The following ESPN variants were observed in gnomAD, a reference collection of about 807,000 sequenced individuals.
ESPN encodes the protein autosomal recessive deafness type 36 protein.
ESPN carries 68 observed loss-of-function variants against 77.7 expected under a neutral mutation model. That is an observed-to-expected ratio of 0.87 (90% CI 0.72 to 1.07). The LOEUF is 1.07. Ranked by LOEUF, ESPN falls within the 50% of genes least tolerant of loss-of-function variation. The pLI is 0.00. For synonymous variants in ESPN, 449 were observed against 567.1 expected (o/e 0.79, Z 2.96); for missense variants, 1,060 against 1,239.0 (o/e 0.86, Z 2.17).
At chr1:6,434,062 C>A (rs1203248243) in intron 2 of ESPN, among the ~76,000 whole-genome samples, 1 of 152,120 alleles carries the variant, frequency 6.6e-6, no homozygotes, top group African/African-American at 2.4e-5. Context: ...GGCACCACAC[C>A]CGGCTAATTT....
At position 6,457,320 on chromosome 1, in the gene ESPN, A is replaced by C. The variant is rs537647160; in HGVS notation, c.2406-41A>C. On this transcript the variant is annotated intron_variant, in intron 11 of 12. Coordinates refer to ENST00000645284, the MANE Select transcript of ESPN (RefSeq NM_031475.3). ...GCAGGGTGTCTTGACTGCGTCCCTG[A>C]GGTGGAGGTACCAAGTGACACTGTC... is the stretch of plus-strand genomic sequence containing the variant. 3.1e-6 allele frequency: 5 copies of C among 1,614,176 alleles called. No homozygotes were observed. In the South Asian group the frequency reaches 5.5e-5, roughly 18 times the overall value.
chr1:6,428,429 C>T lies in ESPN; in HGVS notation c.488+10C>T, dbSNP rs1643120778. On this transcript the variant is annotated intron_variant, in intron 2 of 12. Coordinates refer to ENST00000645284, the MANE Select transcript of ESPN (RefSeq NM_031475.3). The surrounding 1 kb of genome is among the most constrained non-coding windows in gnomAD (Gnocchi z 5.4). ...TCGAGCACTACCCTGAGTAAGATCA[C>T]CCCTCTTAAGGGGTCCTCTGGGTGG... 1 of 1,605,488 alleles carries T rather than the reference C, an allele frequency of 6.2e-7. No individual in the cohort carries two copies.
intron 2 of ESPN, among the ~76,000 whole-genome samples, chr1:6,430,662 T>G (rs1643209400): frequency 6.6e-6 from 1 of 151,880 alleles, no homozygotes; most frequent in Admixed American, 6.6e-5. Context: ...TCCCAGCTAC[T>G]CAGGAGGCTG....
intron 1 of ESPN, 82 bp downstream of exon 1, chr1:6,425,331 G>C: frequency 2.7e-6 from 4 of 1,498,446 alleles, no homozygotes; most frequent in Non-Finnish European, 3.6e-6. Context: ...GGGGCTCAAG[G>C]ATGGGTGGGG....
At chr1:6,431,213 G>C (rs1643232753) in intron 2 of ESPN, among the ~76,000 whole-genome samples, 2 of 152,218 alleles carry the variant, frequency 1.3e-5, no homozygotes, top group Non-Finnish European at 2.9e-5. Flanking sequence ...GTCACAGCAA[G>C]CTGGAAAACC....
intron 2 of ESPN, among the ~76,000 whole-genome samples, chr1:6,439,747 G>T (rs1011948598): frequency 6.6e-6 from 1 of 152,136 alleles, no homozygotes; most frequent in Non-Finnish European, 1.5e-5. Flanking sequence ...GGGTGCGGTG[G>T]CTCTGTAATC....
chr1:6,440,889 C>T, intron 4 of ESPN, 45 bp from the exon 5 acceptor site: 6 of 1,537,952 alleles, frequency 3.9e-6, no homozygotes, highest in Non-Finnish European at 5.2e-6. Context: ...GCGCGGGGGT[C>T]CCAGCTCGCG....
chr1:6,456,615 C>T (rs778086145), intron 10 of ESPN: 4 of 194,048 alleles, frequency 2.1e-5, no homozygotes, highest in Non-Finnish European at 4.2e-5. Context: ...TGAAGTGTGC[C>T]GTGTACAGAC....
chr1:6,460,097 C>T lies in ESPN; in HGVS notation c.2516C>T (p.Pro839Leu), dbSNP rs774609194. Residue 839 changes from proline to leucine, a missense_variant, in exon 13 of 13, where the codon CCC becomes CTC. Physicochemically the swap from Pro to Leu is moderately conservative, Grantham distance 98. Transcript: ENST00000645284. ...TLGYDESKLA[P>L]WQRQVILKKG... The stretch of plus-strand genomic sequence containing the variant: ...GGCTACGATGAGAGCAAGCTGGCGC[C>T]CTGGCAGCGACAGGTCATCCTGAAG... 2 of 1,613,268 alleles carry T rather than the reference C, an allele frequency of 1.2e-6. No individual in the cohort carries two copies. Among genetic ancestry groups the T allele is most frequent in the Non-Finnish European group, 8.5e-7 (1 of 1,180,026 alleles).
At chr1:6,443,759 TAGGC>T (rs1274011743) in intron 5 of ESPN, among the ~76,000 whole-genome samples, 30 of 152,206 alleles carry the variant, frequency 2.0e-4, no homozygotes, top group Admixed American at 1.8e-3. Flanking sequence ...TGACACTTCT[TAGGC>T]AGGGAGGGGG....
At position 6,451,492 on chromosome 1, in the gene ESPN, A is replaced by G. The variant is rs1157849726; in HGVS notation, c.1916-111A>G. On this transcript the variant is annotated intron_variant, in intron 8 of 12. Transcript: ENST00000645284. The surrounding 1 kb of genome is among the most constrained non-coding windows in gnomAD (Gnocchi z 4.3). ...GGAGAGCTGCCCGCTGGCCCGGAGG[A>G]TGGGCACCCATCCAATCTTGGCTTA... is the stretch of plus-strand genomic sequence containing the variant. 1 of 1,449,274 alleles carries G rather than the reference A, an allele frequency of 6.9e-7. No individual in the cohort carries two copies. The highest frequency in any genetic ancestry group is 1.4e-5 in the African/African-American group (1 of 69,876). The allele number at this position is 1,449,274 out of a possible 1,614,324, so 89.8% of individuals were successfully genotyped here.
chr1:6,425,144 C>G lies in ESPN; in HGVS notation c.189C>G (p.Ala63=). ...RFLVEEAALP[A]AARARNGATP... ...TGGTGGAGGAAGCCGCCCTCCCCGC[C>G]GCGGCCCGCGCCCGCAACGGCGCCA... Residue 63 remains alanine (A), a synonymous_variant, in exon 1 of 13, where the codon GCC becomes GCG. Transcript: ENST00000645284. The G allele has an allele frequency of 6.6e-7, 1 of 1,509,584 alleles. No individual in the cohort carries two copies. The highest frequency in any genetic ancestry group is 1.2e-5 in the South Asian group (1 of 81,370). The allele number at this position is 1,509,584 out of a possible 1,614,324, so 93.5% of individuals were successfully genotyped here.
chr1:6,458,827 A>AGG (rs1557721403), intron 12 of ESPN, among the ~76,000 whole-genome samples: 3 of 151,272 alleles, frequency 2.0e-5, no homozygotes, highest in Admixed American at 6.6e-5. Context: ...GCTACTCGGG[A>AGG]GGCTGAGGCA....
Position 6,428,093 on chromosome 1 carries a change from G to A in ESPN, c.295-133G>A. 1.0e-6 allele frequency: 1 copy of A among 958,340 alleles called. No individual in the cohort carries two copies. The highest frequency in any genetic ancestry group is 1.6e-5 in the African/African-American group (1 of 61,870). The allele number at this position is 958,340 out of a possible 1,614,324, so 59.4% of individuals were successfully genotyped here. On this transcript the variant is annotated intron_variant, in intron 1 of 12. Coordinates refer to ENST00000645284, the MANE Select transcript of ESPN (RefSeq NM_031475.3). This position sits in a 1 kb window ranked among gnomAD's most constrained non-coding sequence, Gnocchi z 5.4. Reference sequence around the variant, plus strand: ...ACCCAAAAAAAACATTGCTGAATGAGGCCTGGCCAATCCCTCCAGGGAAGA... The same window carrying A: ...ACCCAAAAAAAACATTGCTGAATGAAGCCTGGCCAATCCCTCCAGGGAAGA...
rs1643868701 is a variant in ESPN at position 6,447,281 on chromosome 1, G to T, written c.1464+1346G>T. ...GCTGGGCCGCAGGCGCCAGGGCCGG[G>T]GCCCGGACGCTCCACAAAGGGCTCT... On this transcript the variant is annotated intron_variant, in intron 7 of 12. Coordinates refer to ENST00000645284, the MANE Select transcript of ESPN (RefSeq NM_031475.3). This position sits in a 1 kb window ranked among gnomAD's most constrained non-coding sequence, Gnocchi z 5.2. 6.6e-6 allele frequency: 1 copy of T among 152,284 alleles called. No homozygotes were observed. Among genetic ancestry groups the T allele is most frequent in the African/African-American group, 2.4e-5 (1 of 41,452 alleles). The allele number at this position is 152,284 out of a possible 1,614,324, so 9.4% of individuals were successfully genotyped here. A position where few individuals can be genotyped will look rare whatever the true frequency, so the allele number is the denominator to read the frequency against.
In ESPN at chr1:6,440,369, C is replaced by A. The variant is rs557382951; in HGVS notation, c.604C>A (p.Arg202Ser). 3 of 1,587,564 alleles carry A rather than the reference C, an allele frequency of 1.9e-6. No individual in the cohort carries two copies. Among genetic ancestry groups the A allele is most frequent in the South Asian group, 1.1e-5 (1 of 87,890 alleles). ...VQECGADPHARAHDGMTPLHA... is the reference protein window; with the variant it reads ...VQECGADPHASAHDGMTPLHA... Reference sequence around the variant, plus strand: ...GGAATGCGGCGCAGACCCGCACGCGCGCGCCCACGACGGCATGACCCCGCT... The same window carrying A: ...GGAATGCGGCGCAGACCCGCACGCGAGCGCCCACGACGGCATGACCCCGCT... Residue 202 changes from arginine (R) to serine (S), a missense_variant, in exon 3 of 13, where the codon CGC becomes AGC. This residue lies in a region of ESPN where 556 missense variants were observed against 633.6 expected (regional missense o/e 0.88). Coordinates refer to ENST00000645284, the MANE Select transcript of ESPN (RefSeq NM_031475.3).
rs1378736181 is a variant in ESPN at position 6,428,140 on chromosome 1, C to G, written c.295-86C>G. 1 of 1,402,622 alleles carries G rather than the reference C, an allele frequency of 7.1e-7. No homozygotes were observed. Among genetic ancestry groups the G allele is most frequent in the Non-Finnish European group, 1.0e-6 (1 of 990,620 alleles). 86.9% of individuals were successfully genotyped at this position (1,402,622 alleles called of 1,614,324 possible). The stretch of plus-strand genomic sequence containing the variant: ...AAGACAGAGAGCACAGAGCTACCTT[C>G]CAGGCCTGTGGGAGTCTGGGAGTGG... On this transcript the variant is annotated intron_variant, in intron 1 of 12. Coordinates refer to ENST00000645284, the MANE Select transcript of ESPN (RefSeq NM_031475.3). The surrounding 1 kb of genome is among the most constrained non-coding windows in gnomAD (Gnocchi z 5.4).
intron 2 of ESPN, among the ~76,000 whole-genome samples, chr1:6,438,188 A>G (rs74049574): frequency 0.096 from 14,627 of 152,176 alleles, 784 homozygotes; most frequent in African/African-American, 0.14. Flanking sequence ...CTGGGGATAG[A>G]TTGTGGCTCC....
intron 12 of ESPN, among the ~76,000 whole-genome samples, chr1:6,458,464 C>T (rs563558029): frequency 3.3e-5 from 5 of 151,200 alleles, no homozygotes; most frequent in African/African-American, 1.2e-4. Context: ...TACAGGCGCC[C>T]GCCACCACGC....
Sources: gnomAD v4.1 joint callset for allele counts (sites outside exome capture counted in the v4.1 genomes callset) on GRCh38, gnomAD v4.1.1 for gene constraint, gnomAD v4.1.1 regional missense constraint, Gnocchi (gnomAD v3.1) non-coding constraint, MANE v1.5 for transcripts, NCBI Gene and HGNC (gene_info 2026-07-23, HGNC 2026-07-21) for gene names.